The following RIT2 variants were observed in gnomAD, a reference collection of about 807,000 sequenced individuals.
The protein encoded by RIT2 is GTP-binding protein Rit2.
A neutral mutation model predicts 23.7 loss-of-function variants in RIT2; 24 were observed. The ratio of observed to expected loss-of-function variants is 1.01; its 90% CI spans 0.73 to 1.43. The LOEUF (loss-of-function observed/expected upper bound fraction) is 1.43, where lower values mean the gene tolerates loss of function less well. RIT2 is among the 40% of genes most tolerant of loss of function. The probability of loss-of-function intolerance (pLI) is 0.00; values close to 1 mark genes in which losing one functional copy is unlikely to be tolerated. For synonymous variants in RIT2, 107 were observed against 91.1 expected (o/e 1.17, Z -0.99); for missense variants, 236 against 266.9 (o/e 0.88, Z 0.81).
intron 4 of RIT2, among the ~76,000 whole-genome samples, chr18:42,759,612 G>T (rs919903908): frequency 1.3e-5 from 2 of 151,690 alleles, no homozygotes; most frequent in Non-Finnish European, 2.9e-5. Context: ...TTGAGATAGG[G>T]GAGACAGGGA....
intron 2 of RIT2, among the ~76,000 whole-genome samples, chr18:42,999,949 G>T (rs758276254): frequency 3.8e-4 from 57 of 151,966 alleles, no homozygotes; most frequent in Non-Finnish European, 5.7e-4. Context: ...GATTGTAAGG[G>T]AATATGTAGC....
intron 4 of RIT2, among the ~76,000 whole-genome samples, chr18:42,810,219 T>C (rs1333496046): frequency 1.3e-5 from 2 of 151,480 alleles, no homozygotes; most frequent in Admixed American, 1.3e-4. Flanking sequence ...TTTGGGGCTG[T>C]ATTAATAAAT....
At chr18:42,946,604 A>G (rs1450260009) in intron 3 of RIT2, among the ~76,000 whole-genome samples, 1 of 152,044 alleles carries the variant, frequency 6.6e-6, no homozygotes, top group East Asian at 1.9e-4. Flanking sequence ...TACACTTTCT[A>G]AACTTTGTAA....
chr18:42,958,482 C>T (rs80249350), intron 3 of RIT2, among the ~76,000 whole-genome samples: 1,676 of 152,152 alleles, frequency 0.011, 31 homozygotes, highest in African/African-American at 0.038. Flanking sequence ...TATGATAATA[C>T]ACTTCATACT....
chr18:42,932,206 G>A (rs781475425), intron 3 of RIT2, among the ~76,000 whole-genome samples: 3 of 152,076 alleles, frequency 2.0e-5, no homozygotes, highest in African/African-American at 7.2e-5. Flanking sequence ...GTACAACCAG[G>A]AAGAGATTAC....
chr18:43,112,057 A>AC (rs1452729246), intron 1 of RIT2, among the ~76,000 whole-genome samples: 1 of 152,018 alleles, frequency 6.6e-6, no homozygotes, highest in African/African-American at 2.4e-5. Flanking sequence ...TTAAAGATTA[A>AC]AGCGGCATAG....
At chr18:42,994,741 G>A (rs929122453) in intron 2 of RIT2, among the ~76,000 whole-genome samples, 1 of 152,118 alleles carries the variant, frequency 6.6e-6, no homozygotes, top group African/African-American at 2.4e-5. Flanking sequence ...TCCACGCAGC[G>A]GCTGCTGCTG....
intron 2 of RIT2, among the ~76,000 whole-genome samples, chr18:42,975,271 T>C (rs1240191467): frequency 6.6e-6 from 1 of 152,110 alleles, no homozygotes; most frequent in Non-Finnish European, 1.5e-5. Flanking sequence ...TCTATTGAGA[T>C]AAATAACCAT....
At chr18:42,932,028 G>C (rs926463570) in intron 3 of RIT2, among the ~76,000 whole-genome samples, 1 of 151,958 alleles carries the variant, frequency 6.6e-6, no homozygotes, top group South Asian at 2.1e-4. Context: ...TTACTATTTG[G>C]TTCCTCCTTC....
intron 1 of RIT2, among the ~76,000 whole-genome samples, chr18:43,058,723 CA>C: frequency 6.6e-6 from 1 of 151,702 alleles, no homozygotes; most frequent in Non-Finnish European, 1.5e-5. Flanking sequence ...CCTGTCTCTA[CA>C]AAAAAAATGC....
At chr18:42,812,117 C>T (rs1197669513) in intron 4 of RIT2, among the ~76,000 whole-genome samples, 1 of 152,102 alleles carries the variant, frequency 6.6e-6, no homozygotes, top group Non-Finnish European at 1.5e-5. Context: ...GTGCTGTTCA[C>T]TGACTATTTC....
chr18:42,778,589 A>C (rs899513970), intron 4 of RIT2, among the ~76,000 whole-genome samples: 1 of 152,172 alleles, frequency 6.6e-6, no homozygotes, highest in Non-Finnish European at 1.5e-5. Context: ...TTTAGAAGTC[A>C]TTCTATTGTT....
chr18:42,851,964 G>T (rs1282562118), intron 4 of RIT2, among the ~76,000 whole-genome samples: 2 of 152,134 alleles, frequency 1.3e-5, no homozygotes, highest in Non-Finnish European at 2.9e-5. Context: ...GGATACATGG[G>T]ATCCCACAGA....
At chr18:43,100,461 T>G (rs1170536937) in intron 1 of RIT2, among the ~76,000 whole-genome samples, 1 of 151,818 alleles carries the variant, frequency 6.6e-6, no homozygotes, top group African/African-American at 2.4e-5. Flanking sequence ...CATGGTAGAG[T>G]TTAAAGCACA....
chr18:43,001,192 C>G (rs943514463), intron 2 of RIT2, among the ~76,000 whole-genome samples: 1 of 151,842 alleles, frequency 6.6e-6, no homozygotes, highest in Non-Finnish European at 1.5e-5. Context: ...GGATTTGAAG[C>G]CTTGCTACAG....
chr18:42,780,497 G>C (rs1264565512), intron 4 of RIT2, among the ~76,000 whole-genome samples: 2 of 152,096 alleles, frequency 1.3e-5, no homozygotes, highest in African/African-American at 4.8e-5. Context: ...AAAAGACCTA[G>C]TAAGAGAAGG....
chr18:42,961,581 C>G (rs529326807), intron 3 of RIT2, among the ~76,000 whole-genome samples: 6 of 152,180 alleles, frequency 3.9e-5, no homozygotes, highest in Non-Finnish European at 7.3e-5. Context: ...ATGGCACCTA[C>G]AGACCAAGTC....
chr18:43,094,966 A>G (rs566394771), intron 1 of RIT2, among the ~76,000 whole-genome samples: 201 of 152,092 alleles, frequency 1.3e-3, no homozygotes, highest in African/African-American at 4.3e-3. Context: ...TATCATTGAC[A>G]GACATTTGGG....
intron 4 of RIT2, among the ~76,000 whole-genome samples, chr18:42,862,563 C>G (rs1421080011): frequency 6.6e-6 from 1 of 152,152 alleles, no homozygotes; most frequent in African/African-American, 2.4e-5. Flanking sequence ...CCACCTTTAT[C>G]CAAAAGCAGA....
Sources: gnomAD v4.1 joint callset for allele counts (sites outside exome capture counted in the v4.1 genomes callset) on GRCh38, gnomAD v4.1.1 for gene constraint, MANE v1.5 for transcripts, NCBI Gene and HGNC (gene_info 2026-07-23, HGNC 2026-07-21) for gene names.